Variants in TRIOBP observed in about 807,000 individuals in gnomAD.
TRIOBP encodes TRIO and F-actin binding protein.
Under a neutral mutation model 238.8 loss-of-function variants are expected in TRIOBP, and 169 were observed. That is an observed-to-expected ratio of 0.71 (90% CI 0.62 to 0.80). The LOEUF (loss-of-function observed/expected upper bound fraction) is 0.80. Among genes scored for constraint, TRIOBP ranks in the 30% least tolerant of loss-of-function variants. The pLI is 0.00. For missense variants in TRIOBP, 2,838 were observed against 3,122.6 expected, an observed-to-expected ratio of 0.91 and a Z score of 2.17; for synonymous variants, 1,150 against 1,274.4, an observed-to-expected ratio of 0.90 and a Z score of 2.08.
In TRIOBP at chr22:37,715,768, G is replaced by T. The variant is rs1439815053; in HGVS notation, c.462G>T (p.Trp154Cys). The T allele has an allele frequency of 1.9e-6, 3 of 1,613,924 alleles. No homozygotes were observed. In the Middle Eastern group the frequency reaches 4.9e-4, roughly 266 times the overall value. The change falls in exon 6 of 24, where the codon TGG becomes TGT. Residue 154 changes from tryptophan to cysteine, a missense_variant. This residue lies in a region of TRIOBP where 535 missense variants were observed against 537.3 expected (regional missense o/e 1.00). Coordinates refer to ENST00000644935, the MANE Select transcript of TRIOBP (RefSeq NM_001039141.3). ...CTCCTCCCCTTCTCTGGCAGGACTGGGACACTGTTGAGAGGCAGGAGGAGG... is the reference window on the plus strand; with the variant it reads ...CTCCTCCCCTTCTCTGGCAGGACTGTGACACTGTTGAGAGGCAGGAGGAGG... The part of the protein sequence containing the change: ...DDTSNSSSVD[W>C]DTVERQEEEA...
chr22:37,759,324 A>G (rs900307046), intron 17 of TRIOBP, 60 bp downstream of exon 17: 3 of 1,538,406 alleles, frequency 2.0e-6, no homozygotes, highest in African/African-American at 2.7e-5. Context: ...CCGTGTTATC[A>G]GGAAACAGCT....
At chr22:37,738,995 G>A (rs933905680) in intron 10 of TRIOBP, among the ~76,000 whole-genome samples, 3 of 152,078 alleles carry the variant, frequency 2.0e-5, no homozygotes, top group African/African-American at 7.2e-5. Flanking sequence ...CTTTCCCTGC[G>A]CAAATGATGG....
At chr22:37,719,681 C>CCCCGAT (rs993592683) in intron 6 of TRIOBP, among the ~76,000 whole-genome samples, 1 of 152,050 alleles carries the variant, frequency 6.6e-6, no homozygotes, top group African/African-American at 2.4e-5. Context: ...ACTCTGGGCT[C>CCCCGAT]CCCGATCCCT....
At chr22:37,720,446 T>C (rs1923766401) in intron 6 of TRIOBP, among the ~76,000 whole-genome samples, 1 of 152,146 alleles carries the variant, frequency 6.6e-6, no homozygotes. Flanking sequence ...CCTCATCTCC[T>C]CCGTCTCCTC....
intron 11 of TRIOBP, chr22:37,751,237 C>T (rs183588619): frequency 1.7e-5 from 6 of 353,658 alleles, no homozygotes; most frequent in Non-Finnish European, 3.5e-5. Flanking sequence ...CCAAAGAGAT[C>T]TAGGCGGGGA....
rs201142634 is a variant in TRIOBP, at chr22:37,723,625, T to C, written c.1069T>C (p.Ser357Pro). ...CACCCAACTGGATAACCCCAGAACCTCTTCTACCCAGCAGGACAACCCCCA... is the reference window on the plus strand; with the variant it reads ...CACCCAACTGGATAACCCCAGAACCCCTTCTACCCAGCAGGACAACCCCCA... The part of the protein sequence containing the change: ...RSTQLDNPRT[S>P]STQQDNPQTS... The change falls in exon 7 of 24, where the codon TCT becomes CCT. Residue 357 changes from serine to proline, a missense_variant. By Grantham distance (74) the Ser-to-Pro change is moderately conservative. Coordinates refer to ENST00000644935, the MANE Select transcript of TRIOBP (RefSeq NM_001039141.3). The C allele has an allele frequency of 1.9e-6, 3 of 1,613,778 alleles. No homozygotes were observed. Among genetic ancestry groups the C allele is most frequent in the Non-Finnish European group, 2.5e-6 (3 of 1,179,992 alleles).
intron 17 of TRIOBP, 29 bp from the exon 18 acceptor site, chr22:37,765,641 C>T: frequency 6.5e-7 from 1 of 1,548,532 alleles, no homozygotes; most frequent in South Asian, 1.2e-5. Context: ...AACGGGGCAG[C>T]CTGTGACACC....
intron 7 of TRIOBP, among the ~76,000 whole-genome samples, chr22:37,727,496 A>ATC (rs1360290806): frequency 6.6e-6 from 1 of 151,834 alleles, no homozygotes; most frequent in Non-Finnish European, 1.5e-5. Flanking sequence ...GTGAAACCCC[A>ATC]TCTCTACTAA....
Position 37,705,936 on chromosome 22 carries a change from C to T in TRIOBP, c.114+4457C>T, listed in dbSNP as rs139150641. Among the ~76,000 whole-genome samples, 1,114 of 152,160 alleles carry T rather than the reference C, an allele frequency of 7.3e-3. 18 individuals carry two copies. Among genetic ancestry groups the T allele is most frequent in the African/African-American group, 0.026 (1,071 of 41,520 alleles). On this transcript the variant is annotated intron_variant, in intron 3 of 23. Transcript: ENST00000644935. ...CTCTGATTTGCATTTTTCACAGTCA[C>T]TCTGATTGCTGGGCAGAGAGAATGG...
chr22:37,735,217 C>G lies in TRIOBP; in HGVS notation c.4881C>G (p.His1627Gln), dbSNP rs1318329573. 6.2e-7 allele frequency: 1 copy of G among 1,606,852 alleles called. No homozygotes were observed. Among genetic ancestry groups the G allele is most frequent in the Non-Finnish European group, 8.5e-7 (1 of 1,174,906 alleles). Residue 1627 changes from histidine (H) to glutamine (Q), a missense_variant, in exon 9 of 24, where the codon CAC (histidine) becomes CAG (glutamine). Physicochemically the swap from His to Gln is conservative, Grantham distance 24 (BLOSUM62 0). Transcript: ENST00000644935. Reference protein sequence around the residue: ...GTNDVPEQESHSQPEGWAEAT... With the variant: ...GTNDVPEQESQSQPEGWAEAT... ...ACGATGTCCCTGAGCAGGAGTCACA[C>G]AGCCAGCCAGAAGGCTGGGCCGAGG...
At chr22:37,768,793 G>A (rs1207264323) in intron 19 of TRIOBP, among the ~76,000 whole-genome samples, 3 of 150,232 alleles carry the variant, frequency 2.0e-5, no homozygotes, top group Non-Finnish European at 4.4e-5. Context: ...AAGAGTGAGA[G>A]CAAGACTCCA....
At chr22:37,758,682 T>TA (rs563727998) in intron 16 of TRIOBP, among the ~76,000 whole-genome samples, 6 of 125,040 alleles carry the variant, frequency 4.8e-5, no homozygotes, top group South Asian at 2.4e-4. Flanking sequence ...TGTCTCAGAT[T>TA]AAAAAAAAAA....
intron 21 of TRIOBP, among the ~76,000 whole-genome samples, chr22:37,771,267 C>T (rs1298285843): frequency 6.6e-6 from 1 of 152,184 alleles, no homozygotes; most frequent in Admixed American, 6.5e-5. Context: ...TTGGTCAAGT[C>T]AGCAGCACCT....
chr22:37,702,186 A>C (rs1287842889), intron 3 of TRIOBP, among the ~76,000 whole-genome samples: 1 of 125,542 alleles, frequency 8.0e-6, no homozygotes, highest in Non-Finnish European at 1.9e-5. Context: ...CCCTAACTTG[A>C]GAGTGTTTTC....
rs1206407547 is a variant in TRIOBP at position 37,732,700 on chromosome 22, GA to G, written c.3948-595del. The stretch of plus-strand genomic sequence containing the variant: ...CAGTGATGGGAGGGAAAAAGGAAAA[GA>G]AATCCAAAATTTACAATATGGACAG... On this transcript the variant is annotated intron_variant, in intron 7 of 23. Coordinates refer to ENST00000644935, the MANE Select transcript of TRIOBP (RefSeq NM_001039141.3). Among the ~76,000 whole-genome samples the G allele has an allele frequency of 2.0e-5, 3 of 152,188 alleles. No homozygotes were observed. In the East Asian group the frequency reaches 5.8e-4, roughly 29 times the overall value.
At chr22:37,752,182 A>AG (rs1020088880) in intron 12 of TRIOBP, among the ~76,000 whole-genome samples, 6 of 151,158 alleles carry the variant, frequency 4.0e-5, no homozygotes, top group African/African-American at 9.8e-5. Context: ...GCCTGGTCTG[A>AG]GGGGGGTGGG....
In TRIOBP at chr22:37,726,254, CACCCAGTG is replaced by C. The variant is rs1351488635; in HGVS notation, c.3702_3709del (p.Asp1236ValfsTer142). 2 of 1,612,460 alleles carry C rather than the reference CACCCAGTG, an allele frequency of 1.2e-6. No homozygotes were observed. The highest frequency in any genetic ancestry group is 2.7e-5 in the African/African-American group (2 of 74,948). On this transcript the variant is annotated frameshift_variant, in exon 7 of 24. Coordinates refer to ENST00000644935, the MANE Select transcript of TRIOBP (RefSeq NM_001039141.3). LOFTEE classifies it high-confidence loss of function. Reference sequence around the variant, plus strand: ...CGAGCCTCCTCCCCACCCCGCCACCCACCCAGTGACCTAGCGTTCCTGGCACCCTCACC... The same window carrying C: ...CGAGCCTCCTCCCCACCCCGCCACCCACCTAGCGTTCCTGGCACCCTCACC...
intron 6 of TRIOBP, among the ~76,000 whole-genome samples, chr22:37,717,752 T>C (rs2145826465): frequency 6.6e-6 from 1 of 152,376 alleles, no homozygotes; most frequent in South Asian, 2.1e-4. Flanking sequence ...AAGTTCCCAC[T>C]ACACTCAGGA....
chr22:37,739,081 T>C (rs1924815922), intron 10 of TRIOBP, among the ~76,000 whole-genome samples: 1 of 152,104 alleles, frequency 6.6e-6, no homozygotes, highest in Non-Finnish European at 1.5e-5. Context: ...GAGCAGGGCT[T>C]CCACGAGCAG....
Sources: allele counts gnomAD v4.1 joint callset (sites outside exome capture counted in the v4.1 genomes callset), GRCh38; gene constraint gnomAD v4.1.1; regional missense constraint gnomAD v4.1.1; transcripts MANE v1.5; gene names NCBI Gene and HGNC (gene_info 2026-07-23, HGNC 2026-07-21).